CPNE8: variants seen among roughly 807,000 people sequenced by gnomAD.
CPNE8 encodes copine 8, also known as copine-8.
Under a neutral mutation model 81.5 loss-of-function variants are expected in CPNE8, and 45 were observed. That is an observed-to-expected ratio of 0.55 (90% CI 0.44 to 0.71). CPNE8 has a LOEUF of 0.71. Among genes scored for constraint, CPNE8 ranks in the 30% least tolerant of loss-of-function variants. The probability of loss-of-function intolerance (pLI) is 0.00; values close to 1 mark genes in which losing one functional copy is unlikely to be tolerated. For missense variants in CPNE8, 594 were observed against 672.1 expected, an observed-to-expected ratio of 0.88 and a Z score of 1.28; for synonymous variants, 252 against 226.3, an observed-to-expected ratio of 1.11 and a Z score of -1.02.
rs2136961665 is a variant in CPNE8 at position 38,802,117 on chromosome 12, A to C, written c.408-25816T>G. Among the ~76,000 whole-genome samples the C allele has an allele frequency of 6.8e-5, 2 of 29,360 alleles. 1 individual carries two copies. The highest frequency in any genetic ancestry group is 6.5e-3 in the South Asian group (2 of 308). The allele number at this position is 29,360 out of a possible 152,430, so 19.3% of individuals were successfully genotyped here. ...AGATCAACGAGACAGAAGGTCAACA[A>C]GGATACCCAGGAATTGAACTCAGCT... On this transcript the variant is annotated intron_variant, in intron 6 of 19. Transcript: ENST00000331366.
rs565188616 is a variant in CPNE8, at chr12:38,881,035, C to T, written c.99-6524G>A. ...ACCATCCTAGCTAACACGGTGAAAC[C>T]CCGTCTCTACTAAAAATACAAAAAA... On this transcript the variant is annotated intron_variant, in intron 1 of 19. Coordinates refer to ENST00000331366, the MANE Select transcript of CPNE8 (RefSeq NM_153634.3). Among the ~76,000 whole-genome samples, 216 of 151,514 alleles carry T rather than the reference C, an allele frequency of 1.4e-3. 1 individual carries two copies. The highest frequency in any genetic ancestry group is 5.1e-3 in the African/African-American group (209 of 41,290).
At chr12:38,811,470 A>G (rs1415342677) in intron 6 of CPNE8, among the ~76,000 whole-genome samples, 1 of 152,246 alleles carries the variant, frequency 6.6e-6, no homozygotes, top group Non-Finnish European at 1.5e-5. Context: ...AAAAAAATCA[A>G]GTCACAAAAA....
At chr12:38,890,900 C>CAT (rs577866179) in intron 1 of CPNE8, among the ~76,000 whole-genome samples, 54 of 147,386 alleles carry the variant, frequency 3.7e-4, no homozygotes, top group African/African-American at 7.4e-4. Context: ...TATATATATA[C>CAT]ATATATATAT....
chr12:38,812,098 A>G (rs908834331), intron 6 of CPNE8, among the ~76,000 whole-genome samples: 1 of 152,184 alleles, frequency 6.6e-6, no homozygotes, highest in Non-Finnish European at 1.5e-5. Flanking sequence ...AACACCAAAA[A>G]TGGGGCAATA....
At chr12:38,685,423 C>A in intron 16 of CPNE8, 67 bp downstream of exon 16, 15 of 1,518,484 alleles carry the variant, frequency 9.9e-6, no homozygotes, top group Non-Finnish European at 1.3e-5. Context: ...GTCATGCTAG[C>A]AACAATGTTA....
intron 15 of CPNE8, among the ~76,000 whole-genome samples, chr12:38,687,138 T>G (rs889578118): frequency 3.9e-5 from 6 of 152,164 alleles, no homozygotes; most frequent in African/African-American, 1.4e-4. Flanking sequence ...TTTATTGAAT[T>G]CTATATACCA....
At chr12:38,856,870 G>A (rs1334875009) in intron 3 of CPNE8, among the ~76,000 whole-genome samples, 3 of 151,640 alleles carry the variant, frequency 2.0e-5, no homozygotes, top group Non-Finnish European at 4.4e-5. Context: ...CTTATGTTGT[G>A]ATTTATCTTT....
Position 38,756,267 on chromosome 12 carries a change from C to T in CPNE8, c.722+4580G>A, listed in dbSNP as rs145800165. Among the ~76,000 whole-genome samples the T allele has an allele frequency of 3.3e-3, 501 of 151,622 alleles. 2 individuals are homozygous for T. Among genetic ancestry groups the T allele is most frequent in the African/African-American group, 0.012 (480 of 41,312 alleles). On this transcript the variant is annotated intron_variant, in intron 10 of 19. Coordinates refer to ENST00000331366, the MANE Select transcript of CPNE8 (RefSeq NM_153634.3). ...GACACCAGTCCCTGAAGTGCCCAAT[C>T]TGTGTGAATATCATTACAACAATTG...
chr12:38,775,606 A>G (rs1012905079), intron 7 of CPNE8, among the ~76,000 whole-genome samples: 1 of 152,188 alleles, frequency 6.6e-6, no homozygotes, highest in Non-Finnish European at 1.5e-5. Context: ...TGTCATAGCT[A>G]TCACCCCATT....
At chr12:38,659,018 A>C (rs899591950) in intron 19 of CPNE8, among the ~76,000 whole-genome samples, 9 of 152,132 alleles carry the variant, frequency 5.9e-5, no homozygotes, top group East Asian at 1.9e-4. Flanking sequence ...CAGCTAACAT[A>C]ATAATGACAG....
intron 1 of CPNE8, among the ~76,000 whole-genome samples, chr12:38,884,456 G>T (rs962537197): frequency 2.0e-5 from 3 of 152,050 alleles, no homozygotes; most frequent in Non-Finnish European, 4.4e-5. Context: ...TATTTGGGTT[G>T]TTTCTATTTT....
chr12:38,862,953 A>T (rs553684954), intron 3 of CPNE8, among the ~76,000 whole-genome samples: 60 of 152,300 alleles, frequency 3.9e-4, no homozygotes, highest in Middle Eastern at 3.4e-3. Flanking sequence ...TGACTCAAAA[A>T]AGAAATAAAA....
chr12:38,798,741 G>A (rs971122871), intron 6 of CPNE8, among the ~76,000 whole-genome samples: 1 of 152,064 alleles, frequency 6.6e-6, no homozygotes, highest in Non-Finnish European at 1.5e-5. Flanking sequence ...CCAATTGAAA[G>A]ACACAGACTG....
At chr12:38,777,250 C>CA (rs563156425) in intron 6 of CPNE8, among the ~76,000 whole-genome samples, 13 of 147,256 alleles carry the variant, frequency 8.8e-5, no homozygotes, top group East Asian at 4.0e-4. Flanking sequence ...TAGTTTTTAA[C>CA]AAAAAAAAGT....
chr12:38,705,733 G>A (rs560067458), intron 13 of CPNE8, among the ~76,000 whole-genome samples: 1 of 152,202 alleles, frequency 6.6e-6, no homozygotes, highest in East Asian at 1.9e-4. Context: ...AGATTAGAAA[G>A]GGTGTGGATT....
intron 15 of CPNE8, among the ~76,000 whole-genome samples, chr12:38,685,907 C>G (rs1939523618): frequency 6.6e-6 from 1 of 151,800 alleles, no homozygotes; most frequent in South Asian, 2.1e-4. Context: ...ACCACAACAG[C>G]CTAAAATTAA....
At chr12:38,840,020 T>A in intron 4 of CPNE8, 65 bp from the exon 5 acceptor site, 1 of 1,431,410 alleles carries the variant, frequency 7.0e-7, no homozygotes, top group Non-Finnish European at 9.4e-7. Context: ...AAAACCAGTA[T>A]TTTCCAAAAC....
At chr12:38,665,942 A>C (rs927711542) in intron 19 of CPNE8, among the ~76,000 whole-genome samples, 2 of 151,054 alleles carry the variant, frequency 1.3e-5, no homozygotes, top group South Asian at 4.2e-4. Flanking sequence ...AAATAATGAC[A>C]AAAAAAATGC....
At chr12:38,710,433 T>A (rs556904269) in intron 13 of CPNE8, among the ~76,000 whole-genome samples, 1 of 152,224 alleles carries the variant, frequency 6.6e-6, no homozygotes, top group East Asian at 1.9e-4. Context: ...GAATCACCAC[T>A]AGCTAGCTAG....
Sources: gnomAD v4.1 joint callset for allele counts (sites outside exome capture counted in the v4.1 genomes callset) on GRCh38, gnomAD v4.1.1 for gene constraint, MANE v1.5 for transcripts, NCBI Gene and HGNC (gene_info 2026-07-23, HGNC 2026-07-21) for gene names.